NRG3: variants seen among roughly 807,000 people sequenced by gnomAD.
NRG3 encodes the protein neuregulin 3.
In NRG3, 31 loss-of-function variants were observed where a neutral mutation model predicts 66.9. The ratio of observed to expected loss-of-function variants is 0.46; its 90% CI spans 0.35 to 0.63. The LOEUF is 0.63. Ranked by LOEUF, NRG3 falls within the 20% of genes least tolerant of loss-of-function variation. The pLI is 0.00. For synonymous variants in NRG3, 393 were observed against 359.4 expected (o/e 1.09, Z -1.06); for missense variants, 910 against 878.9 (o/e 1.04, Z -0.45).
At chr10:82,659,003 CTT>C (rs779903585) in intron 2 of NRG3, among the ~76,000 whole-genome samples, 10 of 152,126 alleles carry the variant, frequency 6.6e-5, no homozygotes, top group Non-Finnish European at 1.5e-4. Context: ...ATTGTTGACT[CTT>C]TGACAATGGA....
intron 3 of NRG3, among the ~76,000 whole-genome samples, chr10:82,765,742 T>C (rs1009113132): frequency 6.6e-6 from 1 of 152,190 alleles, no homozygotes; most frequent in African/African-American, 2.4e-5. Context: ...GATAATAATG[T>C]GGTATGCATA....
At chr10:82,398,526 T>TGTGTGTGAGA (rs373924370) in intron 2 of NRG3, among the ~76,000 whole-genome samples, 92 of 136,580 alleles carry the variant, frequency 6.7e-4, no homozygotes, top group African/African-American at 2.5e-3. Context: ...TGTGTGTGTG[T>TGTGTGTGAGA]GAGAGAGAGA....
chr10:82,831,563 C>G (rs1472425255), intron 3 of NRG3, among the ~76,000 whole-genome samples: 1 of 152,070 alleles, frequency 6.6e-6, no homozygotes, highest in East Asian at 1.9e-4. Context: ...CGCCTGTAAT[C>G]CCAACAGTTT....
intron 2 of NRG3, among the ~76,000 whole-genome samples, chr10:82,704,931 T>G (rs1191881625): frequency 6.6e-6 from 1 of 152,188 alleles, no homozygotes; most frequent in East Asian, 1.9e-4. Context: ...AGAAGGCAGG[T>G]TGGACACATA....
chr10:82,039,275 A>G (rs767315594), intron 1 of NRG3, among the ~76,000 whole-genome samples: 8 of 152,092 alleles, frequency 5.3e-5, no homozygotes, highest in Non-Finnish European at 1.2e-4. Flanking sequence ...TTAGAAAATA[A>G]TGACTGTCTT....
intron 1 of NRG3, among the ~76,000 whole-genome samples, chr10:81,886,205 G>A (rs2132517379): frequency 6.6e-6 from 1 of 152,166 alleles, no homozygotes; most frequent in African/African-American, 2.4e-5. Context: ...TCTGACAAAT[G>A]CCCACTCCAT....
intron 1 of NRG3, among the ~76,000 whole-genome samples, chr10:82,235,091 A>C (rs2076689941): frequency 6.6e-6 from 1 of 152,198 alleles, no homozygotes; most frequent in Non-Finnish European, 1.5e-5. Context: ...CATTCTATTA[A>C]ATTTGGGGAG....
intron 2 of NRG3, among the ~76,000 whole-genome samples, chr10:82,639,904 G>C (rs926725377): frequency 6.6e-6 from 1 of 151,902 alleles, no homozygotes; most frequent in Non-Finnish European, 1.5e-5. Context: ...TTGTTTTCCC[G>C]ATCCTCTCCC....
chr10:82,317,867 T>C (rs1228980981), intron 1 of NRG3, among the ~76,000 whole-genome samples: 1 of 151,926 alleles, frequency 6.6e-6, no homozygotes, highest in East Asian at 1.9e-4. Flanking sequence ...TATTGAGAAG[T>C]AGACAATTTC....
In NRG3 at chr10:82,225,297, A is replaced by G. The variant is rs571957914; in HGVS notation, c.824-133442A>G. 5.9e-5 allele frequency: 9 copies of G among 152,342 alleles called. No individual in the cohort carries two copies. The East Asian group carries it at 7.7e-4, about 13-fold the overall frequency. The allele number at this position is 152,342 out of a possible 1,614,324, so 9.4% of individuals were successfully genotyped here. A position where few individuals can be genotyped will look rare whatever the true frequency, so the allele number is the denominator to read the frequency against. ...AGAATATCGTTTCTTTAAAAAACAT[A>G]TGCTACTTTTTCTGTTATTACCACT... On this transcript the variant is annotated intron_variant, in intron 1 of 8. Transcript: ENST00000372141.
At chr10:82,609,411 A>C (rs1156616381) in intron 2 of NRG3, among the ~76,000 whole-genome samples, 1 of 152,150 alleles carries the variant, frequency 6.6e-6, no homozygotes, top group African/African-American at 2.4e-5. Context: ...GGGCCTGCTT[A>C]CCTCTGTCTG....
chr10:81,918,796 G>T (rs1589451217), intron 1 of NRG3, among the ~76,000 whole-genome samples: 1 of 129,650 alleles, frequency 7.7e-6, no homozygotes, highest in Admixed American at 8.3e-5. Flanking sequence ...CCTTGACTTT[G>T]TTCATACTAC....
At chr10:82,696,323 T>C (rs1367083451) in intron 2 of NRG3, among the ~76,000 whole-genome samples, 5 of 152,134 alleles carry the variant, frequency 3.3e-5, no homozygotes, top group Admixed American at 2.6e-4. Flanking sequence ...AAATTTGTAA[T>C]CATGATGTAT....
intron 1 of NRG3, among the ~76,000 whole-genome samples, chr10:82,263,533 A>G (rs984555306): frequency 6.6e-6 from 1 of 152,176 alleles, no homozygotes; most frequent in African/African-American, 2.4e-5. Flanking sequence ...AAAAATGTTC[A>G]AAATAACATT....
intron 4 of NRG3, 30 bp downstream of exon 4, chr10:82,865,467 T>C (rs1185217052): frequency 6.2e-7 from 1 of 1,606,882 alleles, no homozygotes; most frequent in East Asian, 2.2e-5. Flanking sequence ...TCATTTAATA[T>C]CCTGGAAATG....
At chr10:82,332,924 G>A (rs1220069384) in intron 1 of NRG3, among the ~76,000 whole-genome samples, 1 of 152,118 alleles carries the variant, frequency 6.6e-6, no homozygotes, top group Admixed American at 6.6e-5. Context: ...TTTATATTTG[G>A]TGCAATATCC....
Position 82,673,225 on chromosome 10 carries a change from C to T in NRG3, c.954-65352C>T, listed in dbSNP as rs149159167. On this transcript the variant is annotated intron_variant, in intron 2 of 8. Transcript: ENST00000372141. ...CGCCTTGCACCCTGAGCTGCTGGGACAGGCTTTAGCCTCCCTTGACTCTGA... is the reference window on the plus strand; with the variant it reads ...CGCCTTGCACCCTGAGCTGCTGGGATAGGCTTTAGCCTCCCTTGACTCTGA... Among the ~76,000 whole-genome samples the T allele has an allele frequency of 6.1e-3, 926 of 152,338 alleles. 13 individuals carry two copies. Among genetic ancestry groups the T allele is most frequent in the Middle Eastern group, 0.01 (3 of 294 alleles).
chr10:82,841,793 T>C, intron 3 of NRG3, among the ~76,000 whole-genome samples: 1 of 152,238 alleles, frequency 6.6e-6, no homozygotes, highest in East Asian at 1.9e-4. Flanking sequence ...TATAGCCTAG[T>C]GAAGTTGACA....
intron 1 of NRG3, among the ~76,000 whole-genome samples, chr10:82,102,599 C>T (rs1445227576): frequency 6.6e-6 from 1 of 151,078 alleles, no homozygotes; most frequent in African/African-American, 2.4e-5. Context: ...TAATTATTGG[C>T]CTTTTGGGAT....
Sources: allele counts gnomAD v4.1 joint callset (sites outside exome capture counted in the v4.1 genomes callset), GRCh38; gene constraint gnomAD v4.1.1; transcripts MANE v1.5; gene names NCBI Gene and HGNC (gene_info 2026-07-23, HGNC 2026-07-21).